Variants in PRKCE observed in about 807,000 individuals in gnomAD.
PRKCE encodes protein kinase C epsilon, also known as protein kinase C epsilon type.
Under a neutral mutation model 85.4 loss-of-function variants are expected in PRKCE, and 16 were observed. The observed-to-expected ratio is 0.19, with a 90% CI of 0.13 to 0.28. PRKCE has a LOEUF of 0.28. Among genes scored for constraint, PRKCE ranks in the 10% least tolerant of loss-of-function variants. The pLI, the probability that PRKCE is intolerant of heterozygous loss-of-function variation, is 1.00. For synonymous variants in PRKCE, 388 were observed against 371.5 expected (o/e 1.04, Z -0.51); for missense variants, 573 against 975.2 (o/e 0.59, Z 5.49).
intron 8 of PRKCE, among the ~76,000 whole-genome samples, chr2:46,007,068 C>T (rs1574203651): frequency 6.6e-6 from 1 of 152,318 alleles, no homozygotes; most frequent in African/African-American, 2.4e-5. Context: ...TCGTTGTTCT[C>T]ATCTTCAGAG....
At position 45,761,952 on chromosome 2, in the gene PRKCE, C is replaced by T. The variant is rs574630372; in HGVS notation, c.349-81048C>T. 9.9e-5 allele frequency among the ~76,000 whole-genome samples: 15 copies of T among 152,256 alleles called. No individual in the cohort carries two copies. In the South Asian group the frequency reaches 3.1e-3, roughly 32 times the overall value. Reference sequence around the variant, plus strand: ...CCCTTCAGGACCACCCAGCAAGTTCCTGCTTCCCATCAGGGAGTTACTGCA... The same window carrying T: ...CCCTTCAGGACCACCCAGCAAGTTCTTGCTTCCCATCAGGGAGTTACTGCA... On this transcript the variant is annotated intron_variant, in intron 1 of 14. Transcript: ENST00000306156.
intron 2 of PRKCE, among the ~76,000 whole-genome samples, chr2:45,859,862 A>G (rs1043390925): frequency 6.6e-6 from 1 of 152,202 alleles, no homozygotes; most frequent in Non-Finnish European, 1.5e-5. Flanking sequence ...TGCTAACTCA[A>G]TAGGTGGCAG....
intron 1 of PRKCE, chr2:45,840,405 G>A (rs7586844): frequency 8.5e-5 from 13 of 152,254 alleles, no homozygotes; most frequent in African/African-American, 2.9e-4. Flanking sequence ...AGCACTAGTG[G>A]TGAGAATTCT....
Position 45,726,519 on chromosome 2 carries a change from G to C in PRKCE, c.348+74071G>C, listed in dbSNP as rs1454498652. The stretch of plus-strand genomic sequence containing the variant: ...CATTAGCATTTTTCTTAGCAATAAA[G>C]CACTTTTCAATTAAAGTATGTACAT... On this transcript the variant is annotated intron_variant, in intron 1 of 14. Transcript: ENST00000306156. Among the ~76,000 whole-genome samples, 6 of 152,076 alleles carry C rather than the reference G, an allele frequency of 3.9e-5. No individual in the cohort carries two copies. In the East Asian group the frequency reaches 1.2e-3, roughly 29 times the overall value.
chr2:45,678,527 G>A (rs375589605), intron 1 of PRKCE, among the ~76,000 whole-genome samples: 5 of 152,062 alleles, frequency 3.3e-5, no homozygotes, highest in Admixed American at 1.3e-4. Flanking sequence ...TAGAATGAAC[G>A]TGCACGCCTG....
At chr2:45,764,699 C>T (rs1487906956) in intron 1 of PRKCE, among the ~76,000 whole-genome samples, 1 of 152,094 alleles carries the variant, frequency 6.6e-6, no homozygotes, top group African/African-American at 2.4e-5. Flanking sequence ...TTAGTAAGCC[C>T]ATTTAGAAAT....
chr2:45,992,235 G>C (rs889531759), intron 6 of PRKCE, among the ~76,000 whole-genome samples: 2 of 152,126 alleles, frequency 1.3e-5, no homozygotes, highest in African/African-American at 2.4e-5. Flanking sequence ...CAATGCCTGG[G>C]GACCATGAGA....
At chr2:45,763,568 T>C (rs1231265111) in intron 1 of PRKCE, among the ~76,000 whole-genome samples, 1 of 151,882 alleles carries the variant, frequency 6.6e-6, no homozygotes, top group Non-Finnish European at 1.5e-5. Flanking sequence ...TTCCCTCTTC[T>C]AGGACAGTTT....
intron 11 of PRKCE, among the ~76,000 whole-genome samples, chr2:46,102,762 A>T (rs944015032): frequency 2.0e-5 from 3 of 152,090 alleles, no homozygotes; most frequent in Admixed American, 2.0e-4. Flanking sequence ...TCATGATTAG[A>T]CTCTGATTAT....
At chr2:45,820,392 A>C (rs1387963979) in intron 1 of PRKCE, among the ~76,000 whole-genome samples, 2 of 151,926 alleles carry the variant, frequency 1.3e-5, no homozygotes, top group Non-Finnish European at 2.9e-5. Flanking sequence ...CTGAAAATGT[A>C]GGTAGATTTT....
intron 10 of PRKCE, among the ~76,000 whole-genome samples, chr2:46,044,096 A>T (rs1318799262): frequency 6.6e-6 from 1 of 152,232 alleles, no homozygotes; most frequent in African/African-American, 2.4e-5. Flanking sequence ...AACTATGCAA[A>T]TTCAATTCAA....
chr2:45,848,626 A>G (rs2105532100), intron 2 of PRKCE, among the ~76,000 whole-genome samples: 1 of 152,318 alleles, frequency 6.6e-6, no homozygotes, highest in African/African-American at 2.4e-5. Flanking sequence ...GTGCATTTCA[A>G]CAAATGTGCC....
At chr2:45,946,926 A>ACTG (rs1452578851) in intron 2 of PRKCE, among the ~76,000 whole-genome samples, 1 of 152,186 alleles carries the variant, frequency 6.6e-6, no homozygotes, top group Non-Finnish European at 1.5e-5. Flanking sequence ...AGCTCCAAGA[A>ACTG]CTGCTGACTG....
intron 1 of PRKCE, among the ~76,000 whole-genome samples, chr2:45,803,145 G>T (rs1176286358): frequency 1.3e-5 from 2 of 152,176 alleles, no homozygotes; most frequent in East Asian, 3.8e-4. Context: ...AGACCGTGGT[G>T]GATCTTAGAG....
At chr2:45,940,131 A>G (rs1699771206) in intron 2 of PRKCE, among the ~76,000 whole-genome samples, 2 of 152,196 alleles carry the variant, frequency 1.3e-5, no homozygotes, top group Admixed American at 1.3e-4. Flanking sequence ...TCAGCAATGC[A>G]AATTGGAAGC....
intron 10 of PRKCE, among the ~76,000 whole-genome samples, chr2:46,019,120 T>G (rs1307298591): frequency 6.6e-6 from 1 of 152,286 alleles, no homozygotes; most frequent in Admixed American, 6.5e-5. Flanking sequence ...AATATGTGTG[T>G]ATACAGCAGG....
At chr2:45,760,308 C>T (rs1291905376) in intron 1 of PRKCE, among the ~76,000 whole-genome samples, 2 of 152,124 alleles carry the variant, frequency 1.3e-5, no homozygotes, top group African/African-American at 4.8e-5. Flanking sequence ...ATGGTTGCTC[C>T]AGTTGAGCAC....
intron 12 of PRKCE, among the ~76,000 whole-genome samples, chr2:46,149,486 G>A (rs1676392349): frequency 1.3e-5 from 2 of 152,082 alleles, no homozygotes; most frequent in Non-Finnish European, 2.9e-5. Context: ...GAAAATAATT[G>A]TGGAATGGGA....
At chr2:46,040,374 G>T (rs1245090238) in intron 10 of PRKCE, among the ~76,000 whole-genome samples, 1 of 152,196 alleles carries the variant, frequency 6.6e-6, no homozygotes, top group Non-Finnish European at 1.5e-5. Flanking sequence ...GGTACTTGGA[G>T]GACAGACAGA....
Sources: allele counts gnomAD v4.1 joint callset (sites outside exome capture counted in the v4.1 genomes callset), GRCh38; gene constraint gnomAD v4.1.1; transcripts MANE v1.5; gene names NCBI Gene and HGNC (gene_info 2026-07-23, HGNC 2026-07-21).